KLF12: variants seen among roughly 807,000 people sequenced by gnomAD.
The protein encoded by KLF12 is KLF transcription factor 12, also known as Krueppel-like factor 12.
KLF12 carries 9 observed loss-of-function variants against 37.8 expected under a neutral mutation model. That is an observed-to-expected ratio of 0.24 (90% CI 0.14 to 0.42). The LOEUF (loss-of-function observed/expected upper bound fraction) is 0.42. Ranked by LOEUF, KLF12 falls within the 10% of genes least tolerant of loss-of-function variation. The pLI is 1.00. For missense variants in KLF12, 411 were observed against 516.0 expected, an observed-to-expected ratio of 0.80 and a Z score of 1.97; for synonymous variants, 208 against 202.1, an observed-to-expected ratio of 1.03 and a Z score of -0.25.
chr13:74,036,265 G>A (rs1893242164), intron 1 of KLF12, among the ~76,000 whole-genome samples: 2 of 152,162 alleles, frequency 1.3e-5, no homozygotes, highest in Admixed American at 6.5e-5. Flanking sequence ...CCCACTTGCA[G>A]ATAAATCCTC....
the KLF12 span, among the ~76,000 whole-genome samples, chr13:74,196,484 A>T: frequency 6.6e-6 from 1 of 152,218 alleles, no homozygotes; most frequent in Non-Finnish European, 1.5e-5. Flanking sequence ...AAGAAGATGG[A>T]TTCAACTCTA....
the KLF12 span, among the ~76,000 whole-genome samples, chr13:74,184,510 C>G: frequency 6.6e-6 from 1 of 152,130 alleles, no homozygotes; most frequent in South Asian, 2.1e-4. Flanking sequence ...ATTTATGGAA[C>G]ACAGTATTAT....
At chr13:73,774,526 G>A (rs1342954296) in intron 5 of KLF12, among the ~76,000 whole-genome samples, 1 of 152,044 alleles carries the variant, frequency 6.6e-6, no homozygotes, top group African/African-American at 2.4e-5. Context: ...GGACACAGTG[G>A]GAAAACTGGT....
chr13:74,279,921 A>G, the KLF12 span, among the ~76,000 whole-genome samples: 4 of 152,180 alleles, frequency 2.6e-5, no homozygotes, highest in Non-Finnish European at 5.9e-5. Flanking sequence ...AAAGTCTCTA[A>G]GAGCAGAGGG....
intron 1 of KLF12, among the ~76,000 whole-genome samples, chr13:74,112,992 G>A (rs1180456789): frequency 6.6e-6 from 1 of 152,192 alleles, no homozygotes; most frequent in Admixed American, 6.5e-5. Context: ...TAATGACGGA[G>A]AAAATCTGAG....
At chr13:74,161,819 C>T in the KLF12 span, among the ~76,000 whole-genome samples, 2 of 152,132 alleles carry the variant, frequency 1.3e-5, no homozygotes, top group African/African-American at 4.8e-5. Context: ...TTGAATGCTC[C>T]ATATACGTAA....
intron 6 of KLF12, among the ~76,000 whole-genome samples, chr13:73,723,868 A>C (rs781021488): frequency 3.3e-5 from 5 of 152,210 alleles, no homozygotes; most frequent in Non-Finnish European, 7.3e-5. Flanking sequence ...GCCAGTTGGA[A>C]TGGCGATCAT....
chr13:73,850,348 G>T (rs1349266618), intron 3 of KLF12, among the ~76,000 whole-genome samples: 1 of 152,066 alleles, frequency 6.6e-6, no homozygotes, highest in Non-Finnish European at 1.5e-5. Context: ...ATCTTAAAAT[G>T]TAATTTCAGC....
intron 7 of KLF12, among the ~76,000 whole-genome samples, chr13:73,709,164 C>A (rs1050662254): frequency 6.6e-6 from 1 of 152,080 alleles, no homozygotes; most frequent in African/African-American, 2.4e-5. Context: ...ATTCTAAATT[C>A]TTTGCTAATA....
intron 3 of KLF12, among the ~76,000 whole-genome samples, chr13:73,930,515 A>G (rs1157752933): frequency 6.6e-6 from 1 of 152,230 alleles, no homozygotes; most frequent in Non-Finnish European, 1.5e-5. Context: ...AAAAACCATC[A>G]TTCATTTAAC....
At chr13:74,175,479 A>C in the KLF12 span, among the ~76,000 whole-genome samples, 81 of 152,288 alleles carry the variant, frequency 5.3e-4, no homozygotes, top group Admixed American at 3.5e-3. Context: ...AGACTCAACA[A>C]TAAGTTGATA....
chr13:74,238,107 A>G, the KLF12 span, among the ~76,000 whole-genome samples: 2 of 135,308 alleles, frequency 1.5e-5, no homozygotes, highest in Non-Finnish European at 3.0e-5. Flanking sequence ...ATTTTGAAAT[A>G]TGTCCCATCA....
At chr13:73,904,141 T>A (rs549345473) in intron 3 of KLF12, among the ~76,000 whole-genome samples, 1 of 152,186 alleles carries the variant, frequency 6.6e-6, no homozygotes, top group Non-Finnish European at 1.5e-5. Flanking sequence ...AATGGAGATA[T>A]AACAGCTCAG....
chr13:74,252,575 A>G, the KLF12 span, among the ~76,000 whole-genome samples: 1 of 152,168 alleles, frequency 6.6e-6, no homozygotes, highest in African/African-American at 2.4e-5. Context: ...AGATAACGAA[A>G]CTAAAGCTGC....
At chr13:73,696,186 C>G (rs764905145) in intron 7 of KLF12, among the ~76,000 whole-genome samples, 1 of 151,958 alleles carries the variant, frequency 6.6e-6, no homozygotes, top group Non-Finnish European at 1.5e-5. Context: ...TCTACTACCT[C>G]CAGATATCAG....
At chr13:73,845,762 G>A in intron 4 of KLF12, 65 bp downstream of exon 4, 1 of 1,449,230 alleles carries the variant, frequency 6.9e-7, no homozygotes, top group Non-Finnish European at 9.5e-7. Flanking sequence ...TTTAGGTTTT[G>A]TTCACTGCAA....
chr13:74,078,118 A>C (rs1345139746), intron 1 of KLF12, among the ~76,000 whole-genome samples: 1 of 152,226 alleles, frequency 6.6e-6, no homozygotes, highest in Non-Finnish European at 1.5e-5. Flanking sequence ...GCCAAACTGA[A>C]GGAAAGCAGT....
At chr13:74,157,981 T>C in the KLF12 span, among the ~76,000 whole-genome samples, 2 of 152,228 alleles carry the variant, frequency 1.3e-5, no homozygotes, top group African/African-American at 2.4e-5. Context: ...TTGCTGCTTC[T>C]GCTGCACTTC....
chr13:74,304,757 A>C, the KLF12 span, among the ~76,000 whole-genome samples: 1 of 152,032 alleles, frequency 6.6e-6, no homozygotes, highest in Non-Finnish European at 1.5e-5. Flanking sequence ...GTAATTGGTA[A>C]ACTCAGCTGA....
Sources: allele counts gnomAD v4.1 joint callset (sites outside exome capture counted in the v4.1 genomes callset), GRCh38; gene constraint gnomAD v4.1.1; transcripts MANE v1.5; gene names NCBI Gene and HGNC (gene_info 2026-07-23, HGNC 2026-07-21).